Variants in MAGI1 observed in about 807,000 individuals in gnomAD.
MAGI1 encodes membrane-associated guanylate kinase, WW and PDZ domain-containing protein 1.
A neutral mutation model predicts 139.9 loss-of-function variants in MAGI1; 58 were observed. The observed-to-expected ratio is 0.41, with a 90% CI of 0.34 to 0.52. The LOEUF (loss-of-function observed/expected upper bound fraction) is 0.52, where lower values mean the gene tolerates loss of function less well. Ranked by LOEUF, MAGI1 falls within the 20% of genes least tolerant of loss-of-function variation. The probability of loss-of-function intolerance (pLI) is 0.12; values close to 1 mark genes in which losing one functional copy is unlikely to be tolerated. For missense variants in MAGI1, 1,874 were observed against 1,901.6 expected (o/e 0.99, Z 0.27); for synonymous variants, 812 against 737.9 (o/e 1.10, Z -1.63).
At chr3:65,716,104 A>C (rs1298960932) in intron 1 of MAGI1, among the ~76,000 whole-genome samples, 1 of 152,236 alleles carries the variant, frequency 6.6e-6, no homozygotes, top group African/African-American at 2.4e-5. Flanking sequence ...GCCCCCTCAA[A>C]TTGTTTTAAA....
intron 1 of MAGI1, among the ~76,000 whole-genome samples, chr3:65,897,025 A>T (rs2060997167): frequency 6.6e-6 from 1 of 152,218 alleles, no homozygotes; most frequent in Non-Finnish European, 1.5e-5. Flanking sequence ...GTACTTGCAT[A>T]AAACCTATGC....
At chr3:65,596,767 A>C (rs564303189) in intron 2 of MAGI1, among the ~76,000 whole-genome samples, 1 of 152,320 alleles carries the variant, frequency 6.6e-6, no homozygotes, top group East Asian at 1.9e-4. Flanking sequence ...TTACAGAACC[A>C]GACAGGGAGA....
At chr3:65,427,101 C>T (rs768187579) in intron 12 of MAGI1, among the ~76,000 whole-genome samples, 5 of 152,062 alleles carry the variant, frequency 3.3e-5, no homozygotes, top group African/African-American at 7.2e-5. Context: ...ATCCCTTGAG[C>T]GCGGGAGTTC....
chr3:65,912,236 C>CA (rs35498262), intron 1 of MAGI1, among the ~76,000 whole-genome samples: 4,587 of 130,906 alleles, frequency 0.035, 196 homozygotes, highest in African/African-American at 0.092. Flanking sequence ...ACTCTGATCT[C>CA]AAAAAAAAAA....
At chr3:66,010,227 T>C (rs2067258101) in intron 1 of MAGI1, among the ~76,000 whole-genome samples, 1 of 151,824 alleles carries the variant, frequency 6.6e-6, no homozygotes, top group Non-Finnish European at 1.5e-5. Flanking sequence ...ATGAAATGGG[T>C]GCTGCTATTA....
intron 1 of MAGI1, among the ~76,000 whole-genome samples, chr3:65,796,862 C>T (rs1402663674): frequency 6.6e-6 from 1 of 152,200 alleles, no homozygotes; most frequent in Non-Finnish European, 1.5e-5. Flanking sequence ...GACCACTAAA[C>T]TTTATTTACA....
intron 1 of MAGI1, among the ~76,000 whole-genome samples, chr3:65,795,131 T>A (rs1287152618): frequency 1.3e-5 from 2 of 152,202 alleles, no homozygotes; most frequent in Non-Finnish European, 2.9e-5. Flanking sequence ...TGACCAGCAA[T>A]TGCTCTCTTG....
chr3:66,034,649 T>G (rs1477678844), intron 1 of MAGI1, among the ~76,000 whole-genome samples: 3 of 152,122 alleles, frequency 2.0e-5, no homozygotes, highest in Non-Finnish European at 4.4e-5. Flanking sequence ...ACAGCTTTAT[T>G]CGTAATAGTA....
chr3:65,863,119 T>C (rs908902392), intron 1 of MAGI1, among the ~76,000 whole-genome samples: 1 of 152,210 alleles, frequency 6.6e-6, no homozygotes, highest in Non-Finnish European at 1.5e-5. Flanking sequence ...TCAGAGTTCC[T>C]TCTATCAGAA....
intron 21 of MAGI1, among the ~76,000 whole-genome samples, chr3:65,361,720 T>C (rs1401487754): frequency 1.3e-5 from 2 of 152,222 alleles, no homozygotes; most frequent in Admixed American, 1.3e-4. Flanking sequence ...GCAAACATGA[T>C]ATCAGTTCAA....
rs555772397 is a variant in MAGI1, at chr3:65,951,451, T to C, written c.313+86545A>G. 2.1e-4 allele frequency among the ~76,000 whole-genome samples: 32 copies of C among 152,344 alleles called. No homozygotes were observed. In the South Asian group the frequency reaches 6.4e-3, roughly 31 times the overall value. ...AGATCAAATGTTTCCAATGAAACTG[T>C]TGCATCGAAATGGAGATATACTCTG... On this transcript the variant is annotated intron_variant, in intron 1 of 22. Transcript: ENST00000402939.
intron 2 of MAGI1, among the ~76,000 whole-genome samples, chr3:65,547,996 G>C (rs533706826): frequency 8.5e-5 from 13 of 152,310 alleles, no homozygotes; most frequent in Admixed American, 5.9e-4. Flanking sequence ...TGAAGTAATT[G>C]AGGAACTCCA....
intron 2 of MAGI1, among the ~76,000 whole-genome samples, chr3:65,599,954 A>G (rs1034022202): frequency 2.0e-5 from 3 of 152,224 alleles, no homozygotes; most frequent in Non-Finnish European, 2.9e-5. Flanking sequence ...TTGCTTACCT[A>G]TTTTGTTTGA....
At chr3:65,653,982 G>T (rs1472493) in intron 1 of MAGI1, among the ~76,000 whole-genome samples, 1 of 151,928 alleles carries the variant, frequency 6.6e-6, no homozygotes, top group Non-Finnish European at 1.5e-5. Flanking sequence ...AAATGAACTA[G>T]AAAGAAATAC....
At chr3:65,480,181 A>G (rs1290916307) in intron 3 of MAGI1, among the ~76,000 whole-genome samples, 6 of 151,906 alleles carry the variant, frequency 3.9e-5, no homozygotes, top group South Asian at 2.1e-4. Flanking sequence ...AAAAACACAA[A>G]AAACCACAAA....
intron 2 of MAGI1, among the ~76,000 whole-genome samples, chr3:65,510,344 T>C (rs1044439518): frequency 4.4e-4 from 67 of 152,048 alleles, no homozygotes; most frequent in African/African-American, 1.3e-3. Flanking sequence ...CTTCAGACGA[T>C]CAAATTACTC....
At chr3:65,584,086 GAAA>G (rs542674034) in intron 2 of MAGI1, among the ~76,000 whole-genome samples, 1 of 95,858 alleles carries the variant, frequency 1.0e-5, no homozygotes, top group African/African-American at 4.3e-5. Context: ...ATCTACTCTT[GAAA>G]AAAAAAAAAA....
rs1434852211 is a variant in MAGI1, at chr3:65,575,098, G to C, written c.430+46874C>G. Among the ~76,000 whole-genome samples the C allele has an allele frequency of 2.6e-5, 4 of 151,900 alleles. No homozygotes were observed. The East Asian group carries it at 5.8e-4, about 22-fold the overall frequency. ...AGTTAAAAATCTCTGTTCCCCAAAA[G>C]ACACTGTTAAGAGGATGAAAACGTA... is the stretch of plus-strand genomic sequence containing the variant. On this transcript the variant is annotated intron_variant, in intron 2 of 22. Coordinates refer to ENST00000402939, the MANE Select transcript of MAGI1 (RefSeq NM_001033057.2).
At chr3:65,856,548 G>A (rs1342131408) in intron 1 of MAGI1, among the ~76,000 whole-genome samples, 3 of 152,184 alleles carry the variant, frequency 2.0e-5, no homozygotes, top group Admixed American at 6.5e-5. Context: ...CCTGCCTGGA[G>A]AAGGTCATCG....
Sources: allele counts gnomAD v4.1 joint callset (sites outside exome capture counted in the v4.1 genomes callset), GRCh38; gene constraint gnomAD v4.1.1; transcripts MANE v1.5; gene names NCBI Gene and HGNC (gene_info 2026-07-23, HGNC 2026-07-21).